The following FBXO42 variants were observed in gnomAD, a reference collection of about 807,000 sequenced individuals.
FBXO42 encodes F-box only protein 42.
FBXO42 carries 12 observed loss-of-function variants against 71.7 expected under a neutral mutation model. The observed-to-expected ratio is 0.17, with a 90% CI of 0.11 to 0.27. FBXO42 has a LOEUF of 0.27. Among genes scored for constraint, FBXO42 ranks in the 10% least tolerant of loss-of-function variants. FBXO42 has a pLI of 1.00. For missense variants in FBXO42, 707 were observed against 911.9 expected, an observed-to-expected ratio of 0.78 and a Z score of 2.89; for synonymous variants, 325 against 327.5, an observed-to-expected ratio of 0.99 and a Z score of 0.08.
At chr1:16,281,464 CTTTTTTTGTTTTTTT>C (rs1315620739) in intron 4 of FBXO42, among the ~76,000 whole-genome samples, 1 of 147,734 alleles carries the variant, frequency 6.8e-6, no homozygotes, top group African/African-American at 2.6e-5. Flanking sequence ...TTTTCTTTTT[CTTTTTTTGTTTTTTT>C]TTTTTTTTGA....
intron 4 of FBXO42, among the ~76,000 whole-genome samples, chr1:16,283,506 T>G (rs951426247): frequency 2.2e-5 from 3 of 135,802 alleles, no homozygotes; most frequent in Non-Finnish European, 4.8e-5. Context: ...TTTTTTTTTT[T>G]TTTTTTTTTT....
At chr1:16,313,136 A>G (rs1285928812) in intron 2 of FBXO42, among the ~76,000 whole-genome samples, 1 of 151,314 alleles carries the variant, frequency 6.6e-6, no homozygotes, top group Non-Finnish European at 1.5e-5. Context: ...TGTGAACCTA[A>G]AAGTGCTCTT....
At chr1:16,341,609 TAAAAAAAAAAAAA>T (rs34904915) in intron 1 of FBXO42, among the ~76,000 whole-genome samples, 1 of 113,274 alleles carries the variant, frequency 8.8e-6, no homozygotes, top group Admixed American at 1.0e-4. Context: ...CTGCGTCTTT[TAAAAAAAAAAAAA>T]AAAAAAAAAA....
At chr1:16,325,742 C>A (rs2082443512) in intron 1 of FBXO42, among the ~76,000 whole-genome samples, 1 of 152,100 alleles carries the variant, frequency 6.6e-6, no homozygotes, top group Non-Finnish European at 1.5e-5. Flanking sequence ...TCTCCTACCT[C>A]AGCCTCCAGA....
intron 3 of FBXO42, among the ~76,000 whole-genome samples, chr1:16,305,385 T>G (rs1342882787): frequency 1.3e-5 from 2 of 151,908 alleles, no homozygotes; most frequent in African/African-American, 4.8e-5. Flanking sequence ...GAGACTCCAT[T>G]TCAAAATAAA....
intron 3 of FBXO42, among the ~76,000 whole-genome samples, chr1:16,304,023 T>G (rs2082224413): frequency 6.6e-6 from 1 of 152,160 alleles, no homozygotes; most frequent in African/African-American, 2.4e-5. Context: ...TATGCTGTTC[T>G]CAAACTCCTG....
chr1:16,345,510 G>A (rs754855340), intron 1 of FBXO42, among the ~76,000 whole-genome samples: 4 of 151,856 alleles, frequency 2.6e-5, no homozygotes, highest in Admixed American at 1.3e-4. Flanking sequence ...GTAGCAATGA[G>A]CATCCCTAGC....
At chr1:16,297,611 C>T (rs574869526) in intron 3 of FBXO42, among the ~76,000 whole-genome samples, 1 of 152,214 alleles carries the variant, frequency 6.6e-6, no homozygotes, top group South Asian at 2.1e-4. Flanking sequence ...CCAGTAATCC[C>T]AGCACTTTGG....
intron 4 of FBXO42, among the ~76,000 whole-genome samples, chr1:16,267,305 A>T (rs1312917307): frequency 6.6e-6 from 1 of 152,230 alleles, no homozygotes; most frequent in Non-Finnish European, 1.5e-5. Flanking sequence ...AAAGAAAGAA[A>T]TAGGAAGTAA....
chr1:16,316,330 T>A (rs779970236), intron 1 of FBXO42, among the ~76,000 whole-genome samples: 9 of 152,216 alleles, frequency 5.9e-5, no homozygotes, highest in Non-Finnish European at 8.8e-5. Context: ...CCACAAAATA[T>A]CTCTTTTGTT....
intron 3 of FBXO42, among the ~76,000 whole-genome samples, chr1:16,304,537 A>G (rs2082230238): frequency 6.6e-6 from 1 of 152,104 alleles, no homozygotes; most frequent in African/African-American, 2.4e-5. Context: ...CCTAGTACTA[A>G]AATCTGACTA....
chr1:16,348,983 T>TAA (rs1243329284), intron 1 of FBXO42, among the ~76,000 whole-genome samples: 3 of 152,202 alleles, frequency 2.0e-5, no homozygotes, highest in African/African-American at 7.2e-5. Context: ...TGAGATATTT[T>TAA]AATTGCAGCT....
chr1:16,253,788 G>A, intron 6 of FBXO42, 57 bp from the exon 7 acceptor site: 2 of 1,521,444 alleles, frequency 1.3e-6, no homozygotes, highest in South Asian at 1.1e-5. Flanking sequence ...GACCATAATG[G>A]TGGCTGGGGA....
intron 4 of FBXO42, among the ~76,000 whole-genome samples, chr1:16,258,912 A>G (rs545275012): frequency 3.3e-5 from 5 of 151,840 alleles, no homozygotes; most frequent in Non-Finnish European, 7.4e-5. Context: ...TAATTTTTAA[A>G]ATTTTTTTGT....
intron 4 of FBXO42, among the ~76,000 whole-genome samples, chr1:16,264,085 A>G (rs1207974185): frequency 6.6e-6 from 1 of 152,164 alleles, no homozygotes; most frequent in Non-Finnish European, 1.5e-5. Context: ...TGCAGGGATT[A>G]CAGGCATGAG....
chr1:16,326,144 C>G (rs1232525296), intron 1 of FBXO42, among the ~76,000 whole-genome samples: 2 of 151,042 alleles, frequency 1.3e-5, no homozygotes, highest in African/African-American at 2.4e-5. Context: ...CAACCTCCAC[C>G]TCCTGAGTTC....
intron 4 of FBXO42, among the ~76,000 whole-genome samples, chr1:16,288,720 G>A (rs561259203): frequency 6.6e-6 from 1 of 152,098 alleles, no homozygotes; most frequent in East Asian, 1.9e-4. Context: ...CACTTTGGGA[G>A]GCCAAGGTGG....
chr1:16,264,304 T>C (rs1198466278), intron 4 of FBXO42, among the ~76,000 whole-genome samples: 3 of 152,144 alleles, frequency 2.0e-5, no homozygotes. Context: ...CAACATGGAG[T>C]ACTCTCGGAA....
intron 4 of FBXO42, chr1:16,293,489 T>TGGA (rs1339500308): frequency 6.6e-6 from 1 of 152,206 alleles, no homozygotes; most frequent in East Asian, 1.9e-4. Context: ...TGACAGGAAG[T>TGGA]GGAAGAGAAG....
Sources: allele counts gnomAD v4.1 joint callset (sites outside exome capture counted in the v4.1 genomes callset), GRCh38; gene constraint gnomAD v4.1.1; transcripts MANE v1.5; gene names NCBI Gene and HGNC (gene_info 2026-07-23, HGNC 2026-07-21).